GLIS1: variants seen among roughly 807,000 people sequenced by gnomAD.
The protein encoded by GLIS1 is zinc finger protein GLIS1.
A neutral mutation model predicts 63.8 loss-of-function variants in GLIS1; 24 were observed. The observed-to-expected ratio is 0.38, with a 90% CI of 0.27 to 0.53. The LOEUF is 0.53. GLIS1 is among the 20% of genes least tolerant of loss of function. The probability of loss-of-function intolerance (pLI) is 0.85; values close to 1 mark genes in which losing one functional copy is unlikely to be tolerated. For synonymous variants in GLIS1, 450 were observed against 482.5 expected (o/e 0.93, Z 0.88); for missense variants, 1,036 against 1,074.1 (o/e 0.96, Z 0.50).
At chr1:53,715,062 G>A (rs1235494169) in intron 2 of GLIS1, among the ~76,000 whole-genome samples, 3 of 152,196 alleles carry the variant, frequency 2.0e-5, no homozygotes, top group East Asian at 3.8e-4. Context: ...GACTACAGGT[G>A]CATGCCACCA....
intron 4 of GLIS1, among the ~76,000 whole-genome samples, chr1:53,584,382 G>A (rs1232071602): frequency 6.6e-6 from 1 of 152,186 alleles, no homozygotes; most frequent in African/African-American, 2.4e-5. Context: ...ACCTTCACGT[G>A]TGCTGTTTCC....
intron 2 of GLIS1, among the ~76,000 whole-genome samples, chr1:53,696,750 C>T (rs890365147): frequency 3.3e-5 from 5 of 152,308 alleles, no homozygotes; most frequent in East Asian, 3.9e-4. Flanking sequence ...TTGCCCATGC[C>T]GCCTGGAACT....
intron 2 of GLIS1, among the ~76,000 whole-genome samples, chr1:53,633,652 C>G (rs1309218664): frequency 6.6e-6 from 1 of 152,064 alleles, no homozygotes; most frequent in African/African-American, 2.4e-5. Context: ...TTTCTTGTGT[C>G]TCAACACTGC....
chr1:53,599,670 G>T (rs879256849), intron 3 of GLIS1, among the ~76,000 whole-genome samples: 3 of 152,260 alleles, frequency 2.0e-5, no homozygotes, highest in African/African-American at 7.2e-5. Context: ...CACTGGAAGT[G>T]TGCAAGCACT....
intron 2 of GLIS1, among the ~76,000 whole-genome samples, chr1:53,695,445 G>A (rs1646454909): frequency 6.6e-6 from 1 of 152,204 alleles, no homozygotes; most frequent in South Asian, 2.1e-4. Flanking sequence ...TGACAGACAG[G>A]GCACTACGGC....
chr1:53,571,610 T>A (rs1450610214), intron 4 of GLIS1, among the ~76,000 whole-genome samples: 6 of 152,030 alleles, frequency 3.9e-5, no homozygotes. Context: ...AGAGTCTCAC[T>A]CTGTCACTCA....
intron 4 of GLIS1, among the ~76,000 whole-genome samples, chr1:53,558,723 A>C (rs1393142197): frequency 6.6e-6 from 1 of 152,192 alleles, no homozygotes; most frequent in African/African-American, 2.4e-5. Flanking sequence ...GCAAAAGCTG[A>C]GTGAGTGAAT....
At chr1:53,569,244 C>T (rs572003412) in intron 4 of GLIS1, among the ~76,000 whole-genome samples, 5 of 152,216 alleles carry the variant, frequency 3.3e-5, no homozygotes, top group African/African-American at 1.2e-4. Context: ...ATACCTTTGT[C>T]CAAATCCACA....
chr1:53,606,888 C>T (rs535452631), intron 2 of GLIS1, among the ~76,000 whole-genome samples: 2 of 152,326 alleles, frequency 1.3e-5, no homozygotes, highest in Admixed American at 6.5e-5. Context: ...TACGGGGACT[C>T]GGGCCAGTGA....
intron 2 of GLIS1, among the ~76,000 whole-genome samples, chr1:53,693,215 A>T (rs1646426708): frequency 6.6e-6 from 1 of 152,124 alleles, no homozygotes; most frequent in African/African-American, 2.4e-5. Context: ...ATCCCACTTT[A>T]CAGATGAGGA....
chr1:53,614,827 TTCAC>T (rs1393498100), intron 2 of GLIS1, among the ~76,000 whole-genome samples: 2 of 150,944 alleles, frequency 1.3e-5, no homozygotes, highest in Non-Finnish European at 2.9e-5. Flanking sequence ...CACATACTCT[TTCAC>T]ACACATGCAC....
intron 2 of GLIS1, among the ~76,000 whole-genome samples, chr1:53,732,615 G>C (rs1302444022): frequency 6.6e-6 from 1 of 151,954 alleles, no homozygotes; most frequent in Non-Finnish European, 1.5e-5. Context: ...TCCTGGCCCT[G>C]GTATTACAGC....
At chr1:53,561,516 A>G (rs1371561842) in intron 4 of GLIS1, among the ~76,000 whole-genome samples, 1 of 152,208 alleles carries the variant, frequency 6.6e-6, no homozygotes, top group East Asian at 1.9e-4. Flanking sequence ...ATTTCTGTGT[A>G]ACTCAGTTCA....
At chr1:53,561,691 G>A (rs1010302982) in intron 4 of GLIS1, among the ~76,000 whole-genome samples, 5 of 152,198 alleles carry the variant, frequency 3.3e-5, no homozygotes, top group Non-Finnish European at 7.3e-5. Flanking sequence ...AACATGCTGG[G>A]TTTGGCAGAG....
Position 53,562,214 on chromosome 1 carries a change from C to A in GLIS1, c.1320+31894G>T, listed in dbSNP as rs528398804. Among the ~76,000 whole-genome samples the A allele has an allele frequency of 3.3e-5, 5 of 152,284 alleles. No homozygotes were observed. In the South Asian group the frequency reaches 1.0e-3, roughly 32 times the overall value. ...GGTGAGCTTCCCAGAGATGAATGAG[C>A]AGAGGCCAGACCATCTCTTCTTACA... On this transcript the variant is annotated intron_variant, in intron 4 of 10. Transcript: ENST00000628545.
intron 2 of GLIS1, among the ~76,000 whole-genome samples, chr1:53,727,236 A>G (rs1381625067): frequency 1.3e-5 from 2 of 152,232 alleles, no homozygotes; most frequent in Non-Finnish European, 2.9e-5. Context: ...TTGAATGAAT[A>G]ATATGATTTC....
At chr1:53,600,825 T>C (rs1449134870) in intron 2 of GLIS1, among the ~76,000 whole-genome samples, 1 of 152,226 alleles carries the variant, frequency 6.6e-6, no homozygotes, top group Non-Finnish European at 1.5e-5. Flanking sequence ...CCAAATTGTG[T>C]TACACCACAG....
chr1:53,734,262 G>A, intron 2 of GLIS1: 1 of 913,648 alleles, frequency 1.1e-6, no homozygotes, highest in African/African-American at 1.8e-5. Flanking sequence ...GGTTTGGTGT[G>A]GGAACAGCAA....
At chr1:53,609,018 A>T (rs960149924) in intron 2 of GLIS1, among the ~76,000 whole-genome samples, 1 of 152,220 alleles carries the variant, frequency 6.6e-6, no homozygotes, top group African/African-American at 2.4e-5. Context: ...CTAGAAGAAC[A>T]GCAGAGAAAC....
Sources: gnomAD v4.1 joint callset for allele counts (sites outside exome capture counted in the v4.1 genomes callset) on GRCh38, gnomAD v4.1.1 for gene constraint, MANE v1.5 for transcripts, NCBI Gene and HGNC (gene_info 2026-07-23, HGNC 2026-07-21) for gene names.